JAKMIP2: variants seen among roughly 807,000 people sequenced by gnomAD.
JAKMIP2 encodes janus kinase and microtubule interacting protein 2.
JAKMIP2 carries 25 observed loss-of-function variants against 115.0 expected under a neutral mutation model. The observed-to-expected ratio is 0.22, with a 90% CI of 0.16 to 0.30. The LOEUF (loss-of-function observed/expected upper bound fraction) is 0.30, where lower values mean the gene tolerates loss of function less well. JAKMIP2 is among the 10% of genes least tolerant of loss of function. The pLI is 1.00. For synonymous variants in JAKMIP2, 334 were observed against 343.6 expected (o/e 0.97, Z 0.31); for missense variants, 642 against 957.6 (o/e 0.67, Z 4.35).
At chr5:147,592,995 G>T (rs1314497276) in intron 21 of JAKMIP2, among the ~76,000 whole-genome samples, 1 of 152,174 alleles carries the variant, frequency 6.6e-6, no homozygotes, top group Non-Finnish European at 1.5e-5. Context: ...ATCACACTGA[G>T]GGAATGAGGA....
intron 1 of JAKMIP2, among the ~76,000 whole-genome samples, chr5:147,765,718 C>A (rs1395931859): frequency 6.6e-6 from 1 of 152,030 alleles, no homozygotes; most frequent in East Asian, 1.9e-4. Flanking sequence ...TTGGGAAATG[C>A]AAGTCAACAA....
intron 1 of JAKMIP2, among the ~76,000 whole-genome samples, chr5:147,675,536 T>G (rs1426907898): frequency 6.6e-6 from 1 of 152,178 alleles, no homozygotes; most frequent in Non-Finnish European, 1.5e-5. Context: ...CATTCACATT[T>G]TTAAAATGTA....
chr5:147,615,880 C>A (rs1581293856), intron 19 of JAKMIP2, among the ~76,000 whole-genome samples: 1 of 151,966 alleles, frequency 6.6e-6, no homozygotes, highest in African/African-American at 2.4e-5. Flanking sequence ...GAACATTTGG[C>A]AGTACCTGGA....
At chr5:147,673,176 G>A (rs1581392041) in intron 1 of JAKMIP2, among the ~76,000 whole-genome samples, 1 of 152,236 alleles carries the variant, frequency 6.6e-6, no homozygotes, top group Non-Finnish European at 1.5e-5. Flanking sequence ...GAAAAGGGGT[G>A]GGGGAAGGCA....
At chr5:147,594,120 G>C (rs1471522477) in intron 21 of JAKMIP2, among the ~76,000 whole-genome samples, 1 of 152,152 alleles carries the variant, frequency 6.6e-6, no homozygotes, top group African/African-American at 2.4e-5. Flanking sequence ...GGAATGTTAA[G>C]TTTCTATGAA....
At position 147,624,986 on chromosome 5, in the gene JAKMIP2, A is replaced by ATTTATTTATTTT. The variant is rs199943279; in HGVS notation, c.1996-1298_1996-1297insAAAATAAATAAA. On this transcript the variant is annotated intron_variant, in intron 16 of 21. Coordinates refer to ENST00000616793, the MANE Select transcript of JAKMIP2 (RefSeq NM_001270941.2). ...GTACTATTTATTTATTTATTTATTT[A>ATTTATTTATTTT]TTATTATTTTTTGAGACAAAGTTTC... 3.5e-4 allele frequency among the ~76,000 whole-genome samples: 51 copies of ATTTATTTATTTT among 146,678 alleles called. 1 individual carries two copies. Among genetic ancestry groups the ATTTATTTATTTT allele is most frequent in the African/African-American group, 1.2e-3 (51 of 40,998 alleles).
chr5:147,762,106 A>G (rs1002495673), intron 1 of JAKMIP2, among the ~76,000 whole-genome samples: 2 of 152,094 alleles, frequency 1.3e-5, no homozygotes, highest in Admixed American at 1.3e-4. Flanking sequence ...ATATTTAGGA[A>G]GGATTTGAGG....
intron 21 of JAKMIP2, among the ~76,000 whole-genome samples, chr5:147,599,133 G>A (rs761398655): frequency 3.9e-5 from 6 of 152,168 alleles, no homozygotes; most frequent in Non-Finnish European, 8.8e-5. Flanking sequence ...GTATAATTTA[G>A]TGTAATTTTG....
At chr5:147,594,370 T>G in intron 21 of JAKMIP2, 1 of 429,988 alleles carries the variant, frequency 2.3e-6, no homozygotes, top group Non-Finnish European at 4.8e-6. Context: ...GGTCTTGCTT[T>G]GTTGCTCAGG....
chr5:147,631,951 T>G (rs566179902), intron 13 of JAKMIP2, among the ~76,000 whole-genome samples: 1 of 152,178 alleles, frequency 6.6e-6, no homozygotes, highest in African/African-American at 2.4e-5. Flanking sequence ...TAACTTTTTA[T>G]CCAGACCTAA....
At chr5:147,626,871 C>T (rs1374817695) in intron 16 of JAKMIP2, among the ~76,000 whole-genome samples, 13 of 152,168 alleles carry the variant, frequency 8.5e-5, no homozygotes, top group Admixed American at 5.2e-4. Context: ...TAAAGAATTG[C>T]AGCCCTTCAT....
chr5:147,689,911 G>A (rs1760750087), intron 1 of JAKMIP2, among the ~76,000 whole-genome samples: 1 of 152,166 alleles, frequency 6.6e-6, no homozygotes, highest in Non-Finnish European at 1.5e-5. Flanking sequence ...TACTCTAGCA[G>A]AGTGAAACAA....
At chr5:147,704,353 C>T (rs374910882) in intron 1 of JAKMIP2, among the ~76,000 whole-genome samples, 2 of 152,144 alleles carry the variant, frequency 1.3e-5, no homozygotes, top group East Asian at 3.9e-4. Flanking sequence ...ACGACTGCTA[C>T]AACGTCACTA....
chr5:147,729,417 C>T (rs1299426521), intron 1 of JAKMIP2, among the ~76,000 whole-genome samples: 1 of 152,062 alleles, frequency 6.6e-6, no homozygotes, highest in East Asian at 1.9e-4. Flanking sequence ...ATCACTAAGC[C>T]TTATGTCTCT....
chr5:147,718,658 A>T (rs984037356), intron 1 of JAKMIP2, among the ~76,000 whole-genome samples: 1 of 151,998 alleles, frequency 6.6e-6, no homozygotes, highest in African/African-American at 2.4e-5. Context: ...GTATTCTCTG[A>T]TGGTAGTTTG....
chr5:147,621,689 T>G (rs1756854873), intron 17 of JAKMIP2, among the ~76,000 whole-genome samples: 1 of 152,210 alleles, frequency 6.6e-6, no homozygotes, highest in South Asian at 2.1e-4. Context: ...TCTTTTTACA[T>G]GCTTTGACAT....
rs11950969 is a variant in JAKMIP2, at chr5:147,745,181, C to T, written c.-149+37275G>A. Among the ~76,000 whole-genome samples the T allele has an allele frequency of 1.9e-3, 273 of 140,150 alleles. 1 individual carries two copies. Among genetic ancestry groups the T allele is most frequent in the Middle Eastern group, 7.6e-3 (2 of 264 alleles). The allele number at this position is 140,150 out of a possible 152,430, so 91.9% of individuals were successfully genotyped here. A position where few individuals can be genotyped will look rare whatever the true frequency, so the allele number is the denominator to read the frequency against. ...GAAAACATCAACAAACCGACCTTGG[C>T]GGATGCAACTTAGATCTACACTAAG... On this transcript the variant is annotated intron_variant, in intron 1 of 21. Coordinates refer to ENST00000616793, the MANE Select transcript of JAKMIP2 (RefSeq NM_001270941.2).
intron 1 of JAKMIP2, among the ~76,000 whole-genome samples, chr5:147,750,907 C>A (rs780261105): frequency 4.6e-5 from 7 of 152,092 alleles, no homozygotes; most frequent in Admixed American, 1.3e-4. Flanking sequence ...ATCGGACTTC[C>A]AATCTACAGA....
intron 1 of JAKMIP2, among the ~76,000 whole-genome samples, chr5:147,763,392 T>C (rs1755002520): frequency 6.6e-6 from 1 of 152,144 alleles, no homozygotes; most frequent in Non-Finnish European, 1.5e-5. Flanking sequence ...AGCTATAGGC[T>C]GTCTTTTTCT....
Sources: allele counts gnomAD v4.1 joint callset (sites outside exome capture counted in the v4.1 genomes callset), GRCh38; gene constraint gnomAD v4.1.1; transcripts MANE v1.5; gene names NCBI Gene and HGNC (gene_info 2026-07-23, HGNC 2026-07-21).